PCDHGB2: variants seen among roughly 807,000 people sequenced by gnomAD.
PCDHGB2 encodes the protein protocadherin gamma subfamily B, 2.
A neutral mutation model predicts 59.3 loss-of-function variants in PCDHGB2; 55 were observed. That is an observed-to-expected ratio of 0.93 (90% CI 0.75 to 1.16). PCDHGB2 has a LOEUF of 1.16. Ranked by LOEUF, PCDHGB2 falls within the 50% of genes most tolerant of loss-of-function variation. The pLI is 0.00. For missense variants in PCDHGB2, 1,228 were observed against 1,198.5 expected (o/e 1.02, Z -0.36); for synonymous variants, 516 against 512.0 (o/e 1.01, Z -0.11).
At position 141,388,709 on chromosome 5, in the gene PCDHGB2, C is replaced by G. The variant is rs370023698; in HGVS notation, c.2421+26153C>G. On this transcript the variant is annotated intron_variant, in intron 1 of 3. Coordinates refer to ENST00000522605, the MANE Select transcript of PCDHGB2 (RefSeq NM_018923.3). Reference sequence around the variant, plus strand: ...CGGACCAGGATGAGGGTGTCAATGCCGAGATTACTTTCTCTTTCAGTGAAG... The same window carrying G: ...CGGACCAGGATGAGGGTGTCAATGCGGAGATTACTTTCTCTTTCAGTGAAG... 1.4e-5 allele frequency: 22 copies of G among 1,613,938 alleles called. No individual in the cohort carries two copies. In the Admixed American group the frequency reaches 3.7e-4, roughly 27 times the overall value.
At chr5:141,444,578 C>G (rs1030770037) in intron 1 of PCDHGB2, among the ~76,000 whole-genome samples, 1 of 152,134 alleles carries the variant, frequency 6.6e-6, no homozygotes, top group Non-Finnish European at 1.5e-5. Context: ...TTGACTCTTC[C>G]TTTCTACTTA....
intron 1 of PCDHGB2, chr5:141,385,170 C>A (rs1561606866): frequency 4.3e-6 from 7 of 1,614,212 alleles, no homozygotes; most frequent in Non-Finnish European, 5.9e-6. Flanking sequence ...CCCATGAGGT[C>A]TCCCTCACCG....
intron 1 of PCDHGB2, among the ~76,000 whole-genome samples, chr5:141,450,976 C>T (rs2098702750): frequency 6.6e-6 from 1 of 152,032 alleles, no homozygotes; most frequent in Admixed American, 6.6e-5. Flanking sequence ...AGGCATGTGC[C>T]ACCACACCCG....
rs553462245 is a variant in PCDHGB2 at position 141,511,198 on chromosome 5, A to T, written c.*25A>T. Reference sequence around the variant, plus strand: ...ACATGGAGGCCAGGCCAAGAGCCACAGGGCGGCCTCTCCCCAACCAGCCCA... The same window carrying T: ...ACATGGAGGCCAGGCCAAGAGCCACTGGGCGGCCTCTCCCCAACCAGCCCA... On this transcript the variant is annotated 3_prime_UTR_variant, in exon 4 of 4. Transcript: ENST00000522605. The T allele has an allele frequency of 2.7e-5, 43 of 1,612,954 alleles. 1 individual carries two copies. The South Asian group carries it at 4.5e-4, about 17-fold the overall frequency.
chr5:141,467,129 T>G (rs2099137740), intron 1 of PCDHGB2, among the ~76,000 whole-genome samples: 1 of 151,826 alleles, frequency 6.6e-6, no homozygotes, highest in Non-Finnish European at 1.5e-5. Context: ...CTCAGCTCAC[T>G]GCAACCTCTG....
In PCDHGB2 at chr5:141,409,398, A is replaced by G. The variant is rs186373896; in HGVS notation, c.2421+46842A>G. On this transcript the variant is annotated intron_variant, in intron 1 of 3. Transcript: ENST00000522605. Reference sequence around the variant, plus strand: ...CCATTCAAGATTTATTCTTCTTCCAATAACTACTACAAACTGGTGACAGAT... The same window carrying G: ...CCATTCAAGATTTATTCTTCTTCCAGTAACTACTACAAACTGGTGACAGAT... 9.6e-5 allele frequency: 155 copies of G among 1,614,050 alleles called. No individual in the cohort carries two copies. In the African/African-American group the frequency reaches 1.5e-3, roughly 16 times the overall value.
In PCDHGB2 at chr5:141,366,140, C is replaced by T. The variant is rs564608784; in HGVS notation, c.2421+3584C>T. 1.8e-5 allele frequency: 29 copies of T among 1,614,182 alleles called. No homozygotes were observed. The East Asian group carries it at 5.6e-4, about 31-fold the overall frequency. ...CAAAGATTCAGGCCAGAACGCCTGG[C>T]TGTCCTACCGCCTGCTTAAGGCCAG... On this transcript the variant is annotated intron_variant, in intron 1 of 3. Coordinates refer to ENST00000522605, the MANE Select transcript of PCDHGB2 (RefSeq NM_018923.3).
chr5:141,415,107 A>C (rs372656276), intron 1 of PCDHGB2: 12 of 1,613,634 alleles, frequency 7.4e-6, no homozygotes, highest in East Asian at 2.2e-5. Context: ...CGCTCAAGCA[A>C]AGCCTCGTAG....
In PCDHGB2 at chr5:141,362,425, G is replaced by A; in HGVS notation, c.2290G>A (p.Glu764Lys). 1 of 1,614,008 alleles carries A rather than the reference G, an allele frequency of 6.2e-7. No homozygotes were observed. Among genetic ancestry groups the A allele is most frequent in the South Asian group, 1.1e-5 (1 of 91,090 alleles). Reference protein sequence around the residue: ...LCVASQSAKTEFNFLNITPEL... With the variant: ...LCVASQSAKTKFNFLNITPEL... ...TGTTGCCTCACAATCAGCCAAGACAGAGTTCAATTTTCTGAACATAACCCC... is the reference window on the plus strand; with the variant it reads ...TGTTGCCTCACAATCAGCCAAGACAAAGTTCAATTTTCTGAACATAACCCC... The change falls in exon 1 of 4, where the codon GAG (glutamate) becomes AAG (lysine). Residue 764 changes from glutamate (E) to lysine (K), a missense_variant. By Grantham distance (56) the Glu-to-Lys change is moderately conservative. Around this residue, in one of 3 missense-constraint regions of PCDHGB2, gnomAD observed 433 missense variants for 441.8 expected, o/e 0.98. Transcript: ENST00000522605.
chr5:141,410,849 CTTTTTTTTT>C (rs759346998), intron 1 of PCDHGB2: 2 of 136,714 alleles, frequency 1.5e-5, no homozygotes, highest in African/African-American at 6.3e-5. Context: ...TTGTCTTTGT[CTTTTTTTTT>C]TTTTTTTTTT....
At chr5:141,394,064 C>G in intron 1 of PCDHGB2, 7 of 1,613,776 alleles carry the variant, frequency 4.3e-6, no homozygotes, top group Non-Finnish European at 5.9e-6. Flanking sequence ...ATGTCTCTAT[C>G]TACAATATCA....
chr5:141,370,583 T>C lies in PCDHGB2; in HGVS notation c.2421+8027T>C, dbSNP rs376045764. 30 of 1,613,706 alleles carry C rather than the reference T, an allele frequency of 1.9e-5. No individual in the cohort carries two copies. In the African/African-American group the frequency reaches 3.6e-4, roughly 19 times the overall value. Reference sequence around the variant, plus strand: ...GGTTTGGCGTGGGGGATTTACCTACTAGGAACCTGCGGGTTATTGCAGAGA... The same window carrying C: ...GGTTTGGCGTGGGGGATTTACCTACCAGGAACCTGCGGGTTATTGCAGAGA... On this transcript the variant is annotated intron_variant, in intron 1 of 3. Coordinates refer to ENST00000522605, the MANE Select transcript of PCDHGB2 (RefSeq NM_018923.3).
intron 1 of PCDHGB2, chr5:141,422,865 C>G: frequency 1.2e-6 from 2 of 1,614,244 alleles, no homozygotes; most frequent in Non-Finnish European, 1.7e-6. Context: ...TCAGCAGCAA[C>G]GTGTCGCTGA....
At chr5:141,392,127 A>G (rs2092470129) in intron 1 of PCDHGB2, 1 of 152,236 alleles carries the variant, frequency 6.6e-6, no homozygotes, top group Admixed American at 6.5e-5. Flanking sequence ...AGCTTGTAAA[A>G]TGATTAAGTA....
chr5:141,430,151 A>T (rs774490087), intron 1 of PCDHGB2, among the ~76,000 whole-genome samples: 8 of 152,166 alleles, frequency 5.3e-5, no homozygotes, highest in Non-Finnish European at 8.8e-5. Flanking sequence ...GGATCATTCA[A>T]GGAATCTATT....
In PCDHGB2 at chr5:141,504,261, A is replaced by AT. The variant is rs144925096; in HGVS notation, c.2481-1125dup. Among the ~76,000 whole-genome samples the AT allele has an allele frequency of 3.8e-3, 573 of 152,258 alleles. 3 individuals are homozygous for AT. The highest frequency in any genetic ancestry group is 0.012 in the African/African-American group (514 of 41,556). ...CAGAGAGTTCTTCTTATGGTTTAGT[A>AT]TTTTTTTAAATTATGAATCATTTCA... On this transcript the variant is annotated intron_variant, in intron 2 of 3. Transcript: ENST00000522605.
At chr5:141,389,091 G>A (rs1303132964) in intron 1 of PCDHGB2, 1 of 1,614,038 alleles carries the variant, frequency 6.2e-7, no homozygotes, top group Non-Finnish European at 8.5e-7. Flanking sequence ...GTATAAATTA[G>A]TGACAGATGC....
chr5:141,416,011 GGTAA>G (rs1031382322), intron 1 of PCDHGB2: 25 of 239,912 alleles, frequency 1.0e-4, no homozygotes, highest in Non-Finnish European at 3.9e-5. Flanking sequence ...GGTAAGAATA[GGTAA>G]GTATCAGAAA....
intron 2 of PCDHGB2, among the ~76,000 whole-genome samples, chr5:141,500,194 T>G (rs994324188): frequency 2.1e-4 from 31 of 147,918 alleles, no homozygotes; most frequent in African/African-American, 7.7e-4. Context: ...TTTTATTTAT[T>G]TATTTATTTA....
Sources: allele counts gnomAD v4.1 joint callset (sites outside exome capture counted in the v4.1 genomes callset), GRCh38; gene constraint gnomAD v4.1.1; regional missense constraint gnomAD v4.1.1; transcripts MANE v1.5; gene names NCBI Gene and HGNC (gene_info 2026-07-23, HGNC 2026-07-21).